FAM135B: variants seen among roughly 807,000 people sequenced by gnomAD.
The protein encoded by FAM135B is family with sequence similarity 135 member B, also known as protein FAM135B.
In FAM135B, 43 loss-of-function variants were observed where a neutral mutation model predicts 127.7. The observed-to-expected ratio is 0.34, with a 90% CI of 0.26 to 0.43. The LOEUF (loss-of-function observed/expected upper bound fraction) is 0.43, where lower values mean the gene tolerates loss of function less well. FAM135B is among the 20% of genes least tolerant of loss of function. FAM135B has a pLI of 1.00. For synonymous variants in FAM135B, 670 were observed against 665.1 expected, an observed-to-expected ratio of 1.01 and a Z score of -0.11; for missense variants, 1,558 against 1,725.6, an observed-to-expected ratio of 0.90 and a Z score of 1.72.
chr8:138,465,837 T>C (rs1357339210), intron 1 of FAM135B, among the ~76,000 whole-genome samples: 1 of 151,928 alleles, frequency 6.6e-6, no homozygotes, highest in East Asian at 1.9e-4. Context: ...GAGTATGCAG[T>C]GGTACAATCT....
chr8:138,488,266 T>A (rs541086313), intron 1 of FAM135B, among the ~76,000 whole-genome samples: 94 of 152,318 alleles, frequency 6.2e-4, no homozygotes, highest in Non-Finnish European at 1.2e-3. Context: ...TATTGCACGC[T>A]AAATGGGTGT....
intron 1 of FAM135B, among the ~76,000 whole-genome samples, chr8:138,390,546 T>C (rs1832507094): frequency 6.6e-6 from 1 of 152,184 alleles, no homozygotes; most frequent in South Asian, 2.1e-4. Flanking sequence ...GGGACTAATA[T>C]AGTGTCCTAT....
intron 2 of FAM135B, among the ~76,000 whole-genome samples, chr8:138,315,476 C>G (rs78297118): frequency 6.6e-6 from 1 of 152,068 alleles, no homozygotes; most frequent in Admixed American, 6.5e-5. Flanking sequence ...CTCATGTATA[C>G]CAACAGGACG....
chr8:138,337,058 C>T (rs1469947876), intron 2 of FAM135B, among the ~76,000 whole-genome samples: 2 of 152,040 alleles, frequency 1.3e-5, no homozygotes, highest in Non-Finnish European at 2.9e-5. Flanking sequence ...AATTCAACAA[C>T]CCTTCATGCT....
At chr8:138,477,977 C>A (rs1814590175) in intron 1 of FAM135B, among the ~76,000 whole-genome samples, 1 of 152,134 alleles carries the variant, frequency 6.6e-6, no homozygotes, top group Non-Finnish European at 1.5e-5. Flanking sequence ...AGCCTGGGTT[C>A]TTGACGACTT....
At position 138,152,534 on chromosome 8, in the gene FAM135B, G is replaced by C. The variant is rs1243490800; in HGVS notation, c.1941C>G (p.Thr647=). 2 of 1,614,180 alleles carry C rather than the reference G, an allele frequency of 1.2e-6. No individual in the cohort carries two copies. Among genetic ancestry groups the C allele is most frequent in the Non-Finnish European group, 1.7e-6 (2 of 1,180,038 alleles). ...ACCTAATATCTAAGGGCTCCCTCAG[G>C]GTAGAACTTAGTGGATCACAGGGCT... ...PSEPCDPLSS[T]LREPLDIRSS... Residue 647 remains threonine (T), a synonymous_variant, in exon 13 of 20, where the codon ACC becomes ACG. Transcript: ENST00000395297.
Position 138,218,175 on chromosome 8 carries a change from T to G in FAM135B, c.670-20506A>C, listed in dbSNP as rs115057443. Among the ~76,000 whole-genome samples, 1,226 of 152,316 alleles carry G rather than the reference T, an allele frequency of 8.0e-3. 14 individuals are homozygous for G. Among genetic ancestry groups the G allele is most frequent in the African/African-American group, 0.028 (1,166 of 41,580 alleles). ...AATGGAATCCATGTAGATGCAGTTCTTGAATTAACCAAAAAATGTCTGTGC... is the reference window on the plus strand; with the variant it reads ...AATGGAATCCATGTAGATGCAGTTCGTGAATTAACCAAAAAATGTCTGTGC... On this transcript the variant is annotated intron_variant, in intron 7 of 19. Transcript: ENST00000395297.
intron 2 of FAM135B, among the ~76,000 whole-genome samples, chr8:138,325,449 C>T (rs1827742860): frequency 6.6e-6 from 1 of 152,132 alleles, no homozygotes; most frequent in Admixed American, 6.5e-5. Context: ...ACCACCGCTC[C>T]ATTCTGTTAA....
At chr8:138,280,796 T>C (rs1824206710) in intron 3 of FAM135B, among the ~76,000 whole-genome samples, 1 of 152,102 alleles carries the variant, frequency 6.6e-6, no homozygotes, top group South Asian at 2.1e-4. Flanking sequence ...CTAGGAGTAT[T>C]TTCCAAGCAG....
chr8:138,428,500 A>G (rs1467765959), intron 1 of FAM135B, among the ~76,000 whole-genome samples: 1 of 152,082 alleles, frequency 6.6e-6, no homozygotes, highest in African/African-American at 2.4e-5. Context: ...TCATTGTCTC[A>G]TATCTTGTGT....
chr8:138,226,184 T>TGCGCGCGCGCGC (rs1554637377), intron 7 of FAM135B, among the ~76,000 whole-genome samples: 47 of 139,142 alleles, frequency 3.4e-4, no homozygotes, highest in South Asian at 4.5e-4. Context: ...TGTGTGTGTG[T>TGCGCGCGCGCGC]GCGCGCATGT....
At chr8:138,443,845 A>C (rs189913182) in intron 1 of FAM135B, among the ~76,000 whole-genome samples, 12 of 152,346 alleles carry the variant, frequency 7.9e-5, no homozygotes, top group Admixed American at 7.2e-4. Context: ...CAATTAAAAG[A>C]CACAGACTGG....
chr8:138,407,707 T>G (rs201584870), intron 1 of FAM135B, among the ~76,000 whole-genome samples: 12 of 152,182 alleles, frequency 7.9e-5, no homozygotes, highest in East Asian at 5.8e-4. Flanking sequence ...CTAGCCATAT[T>G]TAGAAAGCTG....
At chr8:138,389,155 G>A (rs1469432606) in intron 1 of FAM135B, among the ~76,000 whole-genome samples, 1 of 152,140 alleles carries the variant, frequency 6.6e-6, no homozygotes, top group Non-Finnish European at 1.5e-5. Flanking sequence ...AAAATAACAA[G>A]TGCTGACAAG....
At chr8:138,392,087 G>A (rs1315165109) in intron 1 of FAM135B, among the ~76,000 whole-genome samples, 1 of 152,186 alleles carries the variant, frequency 6.6e-6, no homozygotes, top group Non-Finnish European at 1.5e-5. Flanking sequence ...ATAACATATG[G>A]AAACACCTGG....
chr8:138,431,891 A>C (rs765729244), intron 1 of FAM135B, among the ~76,000 whole-genome samples: 36 of 152,340 alleles, frequency 2.4e-4, no homozygotes, highest in Non-Finnish European at 4.3e-4. Flanking sequence ...CCTCCAGAGG[A>C]AAGGCCACTC....
chr8:138,336,546 G>C (rs528516443), intron 2 of FAM135B, among the ~76,000 whole-genome samples: 6 of 152,214 alleles, frequency 3.9e-5, no homozygotes, highest in Admixed American at 2.6e-4. Flanking sequence ...ACCCTCCCAA[G>C]ACTAAACCAG....
chr8:138,384,146 G>A (rs1007412288), intron 1 of FAM135B, among the ~76,000 whole-genome samples: 5 of 152,164 alleles, frequency 3.3e-5, no homozygotes, highest in South Asian at 4.1e-4. Context: ...CTGGATGTCC[G>A]GTGCATAGCA....
At chr8:138,445,036 T>A (rs1587471280) in intron 1 of FAM135B, among the ~76,000 whole-genome samples, 2 of 152,014 alleles carry the variant, frequency 1.3e-5, no homozygotes, top group South Asian at 4.2e-4. Flanking sequence ...TCTACGCAAA[T>A]AAACTAGAAA....
Sources: gnomAD v4.1 joint callset for allele counts (sites outside exome capture counted in the v4.1 genomes callset) on GRCh38, gnomAD v4.1.1 for gene constraint, MANE v1.5 for transcripts, NCBI Gene and HGNC (gene_info 2026-07-23, HGNC 2026-07-21) for gene names.